The following EVC2 variants were observed in gnomAD, a reference collection of about 807,000 sequenced individuals.
EVC2 encodes the protein EvC ciliary complex subunit 2, also known as limbin.
EVC2 carries 148 observed loss-of-function variants against 149.3 expected under a neutral mutation model. That is an observed-to-expected ratio of 0.99 (90% CI 0.87 to 1.14). EVC2 has a LOEUF of 1.14. Ranked by LOEUF, EVC2 falls within the 50% of genes most tolerant of loss-of-function variation. The pLI is 0.00. For synonymous variants in EVC2, 776 were observed against 649.9 expected, an observed-to-expected ratio of 1.19 and a Z score of -2.95; for missense variants, 1,854 against 1,627.3, an observed-to-expected ratio of 1.14 and a Z score of -2.40.
chr4:5,602,260 A>G (rs1476307390), intron 16 of EVC2, among the ~76,000 whole-genome samples: 2 of 150,364 alleles, frequency 1.3e-5, no homozygotes, highest in Non-Finnish European at 3.0e-5. Context: ...ACTGCACTCA[A>G]CCCTGAGCTA....
chr4:5,546,631 G>A (rs1048945569), intron 21 of EVC2, among the ~76,000 whole-genome samples: 2 of 151,814 alleles, frequency 1.3e-5, no homozygotes, highest in African/African-American at 4.8e-5. Flanking sequence ...CGAGTTAGTG[G>A]GTGCAGCACA....
intron 17 of EVC2, among the ~76,000 whole-genome samples, chr4:5,578,808 G>C (rs1235180327): frequency 6.6e-6 from 1 of 152,112 alleles, no homozygotes; most frequent in East Asian, 1.9e-4. Flanking sequence ...TGCAGAGATG[G>C]GAAATGCCAT....
intron 9 of EVC2, among the ~76,000 whole-genome samples, chr4:5,661,025 C>T (rs2108892441): frequency 6.6e-6 from 1 of 152,254 alleles, no homozygotes; most frequent in Non-Finnish European, 1.5e-5. Context: ...GTGACATAAA[C>T]ATAAGGTATT....
the EVC2 span, among the ~76,000 whole-genome samples, chr4:5,531,865 T>C: frequency 6.6e-6 from 1 of 152,078 alleles, no homozygotes; most frequent in Non-Finnish European, 1.5e-5. Context: ...CTCCTGCCAG[T>C]TCATGGAAAA....
chr4:5,602,985 C>T (rs1015063326), intron 16 of EVC2, among the ~76,000 whole-genome samples: 2 of 152,118 alleles, frequency 1.3e-5, no homozygotes, highest in African/African-American at 4.8e-5. Flanking sequence ...GGGGAAGCTG[C>T]TCTTCTTTCA....
the EVC2 span, among the ~76,000 whole-genome samples, chr4:5,535,047 C>A: frequency 6.6e-6 from 1 of 152,030 alleles, no homozygotes; most frequent in Non-Finnish European, 1.5e-5. The surrounding 1 kb of genome is among the most constrained non-coding windows in gnomAD (Gnocchi z 4.7). Flanking sequence ...GCAGAGGTTC[C>A]CTCAATACCA....
chr4:5,708,094 A>C, intron 1 of EVC2, 192 bp downstream of exon 1: 1 of 457,800 alleles, frequency 2.2e-6, no homozygotes, highest in Non-Finnish European at 3.7e-6. Flanking sequence ...ACCCCGAGGA[A>C]GGTCTCCAGT....
intron 19 of EVC2, among the ~76,000 whole-genome samples, chr4:5,571,183 T>G (rs1005141856): frequency 2.0e-5 from 3 of 151,794 alleles, no homozygotes; most frequent in Non-Finnish European, 4.4e-5. Context: ...CCGGGCGTGG[T>G]GGCGTGTGCC....
At chr4:5,535,697 C>T in the EVC2 span, among the ~76,000 whole-genome samples, 10 of 151,990 alleles carry the variant, frequency 6.6e-5, no homozygotes, top group African/African-American at 2.2e-4. The surrounding 1 kb of genome is among the most constrained non-coding windows in gnomAD (Gnocchi z 4.7). Flanking sequence ...GGGGGCCCCA[C>T]CCTCATGACC....
intron 17 of EVC2, among the ~76,000 whole-genome samples, chr4:5,578,053 T>G (rs369780380): frequency 6.6e-6 from 1 of 152,276 alleles, no homozygotes. Context: ...GGTGGAAATG[T>G]GTCCCACGTT....
At chr4:5,621,912 G>A (rs1211954189) in intron 14 of EVC2, among the ~76,000 whole-genome samples, 1 of 152,150 alleles carries the variant, frequency 6.6e-6, no homozygotes, top group Non-Finnish European at 1.5e-5. Context: ...AGTGTTAGGT[G>A]TGGTCCACTG....
At chr4:5,628,319 T>A (rs1370216673) in intron 12 of EVC2, among the ~76,000 whole-genome samples, 9 of 152,122 alleles carry the variant, frequency 5.9e-5, no homozygotes, top group Admixed American at 5.2e-4. Flanking sequence ...TCTGTGTTAG[T>A]TATCACGGGT....
intron 16 of EVC2, among the ~76,000 whole-genome samples, chr4:5,612,698 G>A (rs112480702): frequency 0.11 from 16,245 of 151,980 alleles, 1,670 homozygotes; most frequent in African/African-American, 0.27. Flanking sequence ...CGAGGCGGGC[G>A]GATCACGAGG....
At chr4:5,581,070 C>G (rs968239532) in intron 17 of EVC2, among the ~76,000 whole-genome samples, 6 of 152,216 alleles carry the variant, frequency 3.9e-5, no homozygotes, top group South Asian at 4.1e-4. Flanking sequence ...TCCACAGAAG[C>G]TGAGCAGATG....
downstream of EVC2, among the ~76,000 whole-genome samples, chr4:5,560,584 A>G (rs1721921104): frequency 6.6e-6 from 1 of 152,188 alleles, no homozygotes; most frequent in African/African-American, 2.4e-5. The surrounding 1 kb of genome is among the most constrained non-coding windows in gnomAD (Gnocchi z 4.1). Flanking sequence ...CCTGCCCTTG[A>G]CACGTGGGGA....
the EVC2 span, among the ~76,000 whole-genome samples, chr4:5,535,601 A>AAGAGAGAGAGAGAGAGAGAGAGAG: frequency 2.3e-3 from 276 of 118,092 alleles, 2 homozygotes; most frequent in African/African-American, 8.0e-3. This position sits in a 1 kb window ranked among gnomAD's most constrained non-coding sequence, Gnocchi z 4.7. Context: ...CATGCTTAGA[A>AAGAGAGAGAGAGAGAGAGAGAGAG]AGAGAGAGAG....
At chr4:5,553,101 G>C (rs555815652) in intron 21 of EVC2, among the ~76,000 whole-genome samples, 1 of 152,142 alleles carries the variant, frequency 6.6e-6, no homozygotes, top group African/African-American at 2.4e-5. Flanking sequence ...GGCTTAATTA[G>C]CTCATGGTTC....
At chr4:5,578,120 G>A (rs966337153) in intron 17 of EVC2, among the ~76,000 whole-genome samples, 1 of 152,136 alleles carries the variant, frequency 6.6e-6, no homozygotes, top group African/African-American at 2.4e-5. Flanking sequence ...CCTGCCACCT[G>A]GAACAACTTG....
Position 5,708,483 on chromosome 4 carries a change from T to TG in EVC2, c.30dup (p.Thr11HisfsTer45), listed in dbSNP as rs1442303442. 8.1e-6 allele frequency: 12 copies of TG among 1,485,886 alleles called. 1 individual carries two copies. In the South Asian group the frequency reaches 1.5e-4, roughly 19 times the overall value. 92.0% of individuals were successfully genotyped at this position (1,485,886 alleles called of 1,614,324 possible). A position where few individuals can be genotyped will look rare whatever the true frequency, so the allele number is the denominator to read the frequency against. On this transcript the variant is annotated frameshift_variant, in exon 1 of 22. Transcript: ENST00000344408. LOFTEE classifies it high-confidence loss of function. ...AGGAGACCCCCGGCCAGCACCCACG[T>TG]GGGGCGCCCCCGGGAGCCCGAGGGG...
Sources: gnomAD v4.1 joint callset for allele counts (sites outside exome capture counted in the v4.1 genomes callset) on GRCh38, gnomAD v4.1.1 for gene constraint, Gnocchi (gnomAD v3.1) non-coding constraint, MANE v1.5 for transcripts, NCBI Gene and HGNC (gene_info 2026-07-23, HGNC 2026-07-21) for gene names.